Variants in SNX13 observed in about 807,000 individuals in gnomAD.
The protein encoded by SNX13 is sorting nexin-13.
Under a neutral mutation model 133.6 loss-of-function variants are expected in SNX13, and 45 were observed. The observed-to-expected ratio is 0.34, with a 90% CI of 0.27 to 0.43. The LOEUF (loss-of-function observed/expected upper bound fraction) is 0.43. SNX13 is among the 20% of genes least tolerant of loss of function. The pLI is 1.00. For missense variants in SNX13, 1,032 were observed against 1,145.1 expected, an observed-to-expected ratio of 0.90 and a Z score of 1.43; for synonymous variants, 414 against 373.9, an observed-to-expected ratio of 1.11 and a Z score of -1.24.
chr7:17,926,565 A>G (rs911018849), intron 1 of SNX13, among the ~76,000 whole-genome samples: 6 of 152,324 alleles, frequency 3.9e-5, no homozygotes, highest in Admixed American at 3.9e-4. Flanking sequence ...ATGAGTAAAC[A>G]GATGTTTATA....
chr7:17,836,348 T>C (rs1170228237), intron 13 of SNX13, among the ~76,000 whole-genome samples: 1 of 151,920 alleles, frequency 6.6e-6, no homozygotes, highest in Non-Finnish European at 1.5e-5. Context: ...AAAATCCCTG[T>C]CTCTTTAAAA....
chr7:17,879,880 A>G (rs1392439701), intron 5 of SNX13: 1 of 152,198 alleles, frequency 6.6e-6, no homozygotes, highest in Non-Finnish European at 1.5e-5. Context: ...CATTTCCCAA[A>G]GTTTGTTTTC....
intron 12 of SNX13, among the ~76,000 whole-genome samples, chr7:17,840,936 T>C (rs759301800): frequency 2.1e-4 from 32 of 152,006 alleles, no homozygotes; most frequent in Non-Finnish European, 2.2e-4. Context: ...GAAGTAAGCT[T>C]TGGTTAATCT....
rs148059791 is a variant in SNX13 at position 17,930,062 on chromosome 7, A to G, written c.12+10222T>C. Among the ~76,000 whole-genome samples, 510 of 80,402 alleles carry G rather than the reference A, an allele frequency of 6.3e-3. 1 individual carries two copies. The highest frequency in any genetic ancestry group is 0.02 in the African/African-American group (480 of 23,820). 52.7% of individuals were successfully genotyped at this position (80,402 alleles called of 152,430 possible). ...CCACTTGCTATTTACATCAGAGGAA[A>G]TAAGAATAAAGAATAAGAAAAAGAA... On this transcript the variant is annotated intron_variant, in intron 1 of 25. Transcript: ENST00000428135.
At chr7:17,871,975 G>A (rs115365654) in intron 8 of SNX13, among the ~76,000 whole-genome samples, 2,256 of 152,220 alleles carry the variant, frequency 0.015, 59 homozygotes, top group African/African-American at 0.052. Flanking sequence ...AAGACTAAAA[G>A]GCACACAGGA....
At chr7:17,814,206 A>G (rs181502431) in intron 20 of SNX13, among the ~76,000 whole-genome samples, 1 of 152,274 alleles carries the variant, frequency 6.6e-6, no homozygotes, top group East Asian at 1.9e-4. Flanking sequence ...TGAAATTTAA[A>G]TCTTCATTTC....
At chr7:17,911,177 T>A (rs779542163) in intron 1 of SNX13, among the ~76,000 whole-genome samples, 2 of 152,346 alleles carry the variant, frequency 1.3e-5, no homozygotes, top group East Asian at 3.9e-4. Context: ...GGTTTCTTCA[T>A]CTGTACAACA....
At position 17,799,029 on chromosome 7, in the gene SNX13, T is replaced by A. The variant is rs1784352632; in HGVS notation, c.2424A>T (p.Thr808=). The stretch of plus-strand genomic sequence containing the variant: ...GCTACCTATTAATAGTATCGCCATA[T>A]GTAGCTCTAATAAGCTGTTGAAGTA... The part of the protein sequence containing the change: ...KNLLQQLIRA[T]YGDTINRKIV... Residue 808 remains threonine, a synonymous_variant, in exon 23 of 26, where the codon ACA becomes ACT. Transcript: ENST00000428135. The A allele has an allele frequency of 6.2e-7, 1 of 1,610,440 alleles. No individual in the cohort carries two copies. Among genetic ancestry groups the A allele is most frequent in the East Asian group, 2.2e-5 (1 of 44,742 alleles).
At chr7:17,926,283 T>A (rs1800747575) in intron 1 of SNX13, among the ~76,000 whole-genome samples, 1 of 152,080 alleles carries the variant, frequency 6.6e-6, no homozygotes, top group East Asian at 1.9e-4. Context: ...AAAAAATTAA[T>A]TTAAATTAGG....
chr7:17,864,706 T>C (rs1793153045), intron 9 of SNX13, among the ~76,000 whole-genome samples: 1 of 150,600 alleles, frequency 6.6e-6, no homozygotes, highest in Non-Finnish European at 1.5e-5. Context: ...ACCAAAGGCA[T>C]GTAAATCAAA....
chr7:17,794,551 A>G (rs1237357389), intron 25 of SNX13: 6 of 353,724 alleles, frequency 1.7e-5, no homozygotes, highest in Admixed American at 4.4e-5. Flanking sequence ...AACAGTCTCA[A>G]AGATCCCAAA....
intron 20 of SNX13, among the ~76,000 whole-genome samples, chr7:17,804,491 G>T (rs776380196): frequency 6.6e-6 from 1 of 151,978 alleles, no homozygotes; most frequent in Non-Finnish European, 1.5e-5. Context: ...TCTTATCTTA[G>T]CAAGGTGGAA....
chr7:17,902,517 G>C, intron 1 of SNX13, among the ~76,000 whole-genome samples: 1 of 152,020 alleles, frequency 6.6e-6, no homozygotes, highest in East Asian at 1.9e-4. Flanking sequence ...TTATTAGTGA[G>C]ATAAATTAGG....
At chr7:17,936,891 A>G (rs1254343938) in intron 1 of SNX13, among the ~76,000 whole-genome samples, 1 of 151,664 alleles carries the variant, frequency 6.6e-6, no homozygotes, top group Admixed American at 6.6e-5. Flanking sequence ...TTAAACAAGT[A>G]ACTTTCATGT....
chr7:17,800,328 T>C (rs181074645), intron 22 of SNX13, among the ~76,000 whole-genome samples: 87 of 149,816 alleles, frequency 5.8e-4, no homozygotes, highest in African/African-American at 2.0e-3. Flanking sequence ...AAGGAGATAA[T>C]TACAACTTAA....
chr7:17,865,833 C>T (rs1016227274), intron 9 of SNX13, among the ~76,000 whole-genome samples: 1 of 152,064 alleles, frequency 6.6e-6, no homozygotes, highest in African/African-American at 2.4e-5. Flanking sequence ...GAAATAAACC[C>T]ACACATTCAC....
chr7:17,913,985 A>C (rs1393250249), intron 1 of SNX13, among the ~76,000 whole-genome samples: 1 of 152,032 alleles, frequency 6.6e-6, no homozygotes, highest in African/African-American at 2.4e-5. Context: ...AGAAAGATGA[A>C]ATCCAACACA....
At chr7:17,912,740 T>C (rs912778611) in intron 1 of SNX13, among the ~76,000 whole-genome samples, 11 of 152,126 alleles carry the variant, frequency 7.2e-5, no homozygotes, top group African/African-American at 2.4e-4. Context: ...TCTGGGCTCA[T>C]GCAAAGTAAG....
chr7:17,882,721 T>C, intron 5 of SNX13: 1 of 924,098 alleles, frequency 1.1e-6, no homozygotes, highest in Non-Finnish European at 1.4e-6. Context: ...GAAATCAAGA[T>C]TAGTAACAAC....
Sources: allele counts gnomAD v4.1 joint callset (sites outside exome capture counted in the v4.1 genomes callset), GRCh38; gene constraint gnomAD v4.1.1; transcripts MANE v1.5; gene names NCBI Gene and HGNC (gene_info 2026-07-23, HGNC 2026-07-21).